Variants in USP43 observed in about 807,000 individuals in gnomAD.
USP43 encodes ubiquitin carboxyl-terminal hydrolase 43.
A neutral mutation model predicts 90.7 loss-of-function variants in USP43; 33 were observed. That is an observed-to-expected ratio of 0.36 (90% CI 0.28 to 0.49). USP43 has a LOEUF of 0.49. Ranked by LOEUF, USP43 falls within the 20% of genes least tolerant of loss-of-function variation. The pLI, the probability that USP43 is intolerant of heterozygous loss-of-function variation, is 0.98. For missense variants in USP43, 1,274 were observed against 1,476.4 expected (o/e 0.86, Z 2.25); for synonymous variants, 598 against 615.8 (o/e 0.97, Z 0.43).
At position 9,686,560 on chromosome 17, in the gene USP43, T is replaced by A. The variant is rs1914606385; in HGVS notation, c.1242-238T>A. Among the ~76,000 whole-genome samples, 1 of 152,202 alleles carries A rather than the reference T, an allele frequency of 6.6e-6. No individual in the cohort carries two copies. Among genetic ancestry groups the A allele is most frequent in the African/African-American group, 2.4e-5 (1 of 41,456 alleles). On this transcript the variant is annotated intron_variant, in intron 7 of 14. Transcript: ENST00000285199. This position sits in a 1 kb window ranked among gnomAD's most constrained non-coding sequence, Gnocchi z 5.5. Reference sequence around the variant, plus strand: ...CTTGCATTTCCCTGATAATTAGTGATGTTGGGCATTTTTTCATATGCCTGT... The same window carrying A: ...CTTGCATTTCCCTGATAATTAGTGAAGTTGGGCATTTTTTCATATGCCTGT...
At chr17:9,693,815 G>A (rs1915101394) in intron 9 of USP43, among the ~76,000 whole-genome samples, 2 of 152,158 alleles carry the variant, frequency 1.3e-5, no homozygotes, top group African/African-American at 4.8e-5. Context: ...TCTAGCCTGG[G>A]TGACAGAGCA....
chr17:9,708,602 G>A (rs540878715), intron 12 of USP43, among the ~76,000 whole-genome samples: 11 of 152,266 alleles, frequency 7.2e-5, no homozygotes, highest in African/African-American at 2.2e-4. Context: ...CCCACGGGCC[G>A]GATCCAATCT....
At chr17:9,693,696 G>T (rs1915093068) in intron 9 of USP43, among the ~76,000 whole-genome samples, 1 of 151,966 alleles carries the variant, frequency 6.6e-6, no homozygotes, top group Admixed American at 6.6e-5. Flanking sequence ...AAATTAGCCG[G>T]TCGTGGTAGC....
chr17:9,711,931 G>T (rs1916218750), intron 13 of USP43, 37 bp from the exon 14 acceptor site: 1 of 1,548,696 alleles, frequency 6.5e-7, no homozygotes, highest in Non-Finnish European at 8.7e-7. Context: ...AAGTGCTGGG[G>T]TTGGGCTCAG....
In USP43 at chr17:9,651,051, C is replaced by T. The variant is rs536605914; in HGVS notation, c.504+4915C>T. ...TGTGCCTTTGCATCCTAAGAAATAA[C>T]ATCATCTTCTAAACTTGCAAAAATA... On this transcript the variant is annotated intron_variant, in intron 1 of 14. Coordinates refer to ENST00000285199, the MANE Select transcript of USP43 (RefSeq NM_153210.5). 1.8e-4 allele frequency among the ~76,000 whole-genome samples: 27 copies of T among 152,252 alleles called. No homozygotes were observed. In the South Asian group the frequency reaches 2.5e-3, roughly 14 times the overall value.
chr17:9,661,232 G>A (rs1020497556), intron 2 of USP43, among the ~76,000 whole-genome samples: 7 of 152,142 alleles, frequency 4.6e-5, no homozygotes, highest in South Asian at 2.1e-4. Flanking sequence ...AGAAAATGCC[G>A]CTCTTGCAGA....
rs117406581 is a variant in USP43, at chr17:9,700,116, G to A, written c.1458-56G>A. 922 of 1,492,030 alleles carry A rather than the reference G, an allele frequency of 6.2e-4. 4 individuals carry two copies. The East Asian group carries it at 0.015, about 24-fold the overall frequency. 92.4% of individuals were successfully genotyped at this position (1,492,030 alleles called of 1,614,324 possible). ...GTGGGGGAGACTGCTGAGCCCTGAA[G>A]AGCTGTGGGAAGGAGGCCCCGTGTT... On this transcript the variant is annotated intron_variant, in intron 9 of 14. Coordinates refer to ENST00000285199, the MANE Select transcript of USP43 (RefSeq NM_153210.5).
At position 9,681,213 on chromosome 17, in the gene USP43, C is replaced by CATTATATATAATATATTATATAGTATAT. The variant is rs1567660853; in HGVS notation, c.1105+855_1105+856insTAATATATTATATAGTATATATTATATA. Among the ~76,000 whole-genome samples, 69 of 48,852 alleles carry CATTATATATAATATATTATATAGTATAT rather than the reference C, an allele frequency of 1.4e-3. 5 individuals are homozygous for CATTATATATAATATATTATATAGTATAT. Among genetic ancestry groups the CATTATATATAATATATTATATAGTATAT allele is most frequent in the African/African-American group, 3.7e-3 (23 of 6,160 alleles). The allele number at this position is 48,852 out of a possible 152,430, so 32.0% of individuals were successfully genotyped here. A position where few individuals can be genotyped will look rare whatever the true frequency, so the allele number is the denominator to read the frequency against. ...TATAATATATACTATATAATATATA[C>CATTATATATAATATATTATATAGTATAT]ATTATATAGAATATATTATATAATA... On this transcript the variant is annotated intron_variant, in intron 6 of 14. Coordinates refer to ENST00000285199, the MANE Select transcript of USP43 (RefSeq NM_153210.5).
chr17:9,715,995 C>CTG (rs548549738), intron 14 of USP43, among the ~76,000 whole-genome samples: 1 of 147,022 alleles, frequency 6.8e-6, no homozygotes, highest in Middle Eastern at 3.6e-3. Context: ...GTTTGTGTAT[C>CTG]TGTGTGTGTG....
intron 14 of USP43, among the ~76,000 whole-genome samples, chr17:9,726,745 G>A (rs1917293875): frequency 6.6e-6 from 1 of 152,142 alleles, no homozygotes; most frequent in Non-Finnish European, 1.5e-5. Context: ...CAAACACTAT[G>A]ATGAAGTGGC....
In USP43 at chr17:9,712,391, T is replaced by G. The variant is rs79505485; in HGVS notation, c.2335+259T>G. Reference sequence around the variant, plus strand: ...TCATAAGCAAGTAAACCTGGGAACATGGTACTTAAAGAAGGGAGAATGGCA... The same window carrying G: ...TCATAAGCAAGTAAACCTGGGAACAGGGTACTTAAAGAAGGGAGAATGGCA... On this transcript the variant is annotated intron_variant, in intron 14 of 14. Coordinates refer to ENST00000285199, the MANE Select transcript of USP43 (RefSeq NM_153210.5). Among the ~76,000 whole-genome samples the G allele has an allele frequency of 9.4e-3, 1,427 of 152,078 alleles. 31 individuals carry two copies. The highest frequency in any genetic ancestry group is 0.033 in the African/African-American group (1,367 of 41,460).
intron 3 of USP43, among the ~76,000 whole-genome samples, chr17:9,670,155 C>T (rs1470115549): frequency 2.6e-5 from 4 of 151,856 alleles, no homozygotes; most frequent in East Asian, 1.9e-4. Flanking sequence ...TCTCCTGCCT[C>T]GGCCTCCCAA....
chr17:9,727,526 A>G (rs1917336021), intron 14 of USP43, among the ~76,000 whole-genome samples: 1 of 151,460 alleles, frequency 6.6e-6, no homozygotes, highest in South Asian at 2.1e-4. Flanking sequence ...TTTTTAGCCC[A>G]GGGTAGGATA....
chr17:9,671,156 G>A (rs1028705466), intron 3 of USP43, among the ~76,000 whole-genome samples: 6 of 152,204 alleles, frequency 3.9e-5, no homozygotes, highest in Non-Finnish European at 7.3e-5. Context: ...CTAGAGTACC[G>A]AAGATCCTGG....
chr17:9,680,763 G>A (rs944789721), intron 6 of USP43, among the ~76,000 whole-genome samples: 33 of 151,986 alleles, frequency 2.2e-4, no homozygotes, highest in African/African-American at 8.0e-4. Context: ...AGTCATCTTT[G>A]CCGTCAGGAT....
intron 8 of USP43, among the ~76,000 whole-genome samples, chr17:9,689,849 G>A (rs989547700): frequency 1.3e-5 from 2 of 152,128 alleles, no homozygotes; most frequent in Admixed American, 1.3e-4. Context: ...AAACAACAAG[G>A]CTCCATTAGG....
chr17:9,701,656 C>A lies in USP43; in HGVS notation c.1967C>A (p.Ala656Asp). ...CTGGACTTCCTGTACGACCTGTATGCCGTCTGCAACCACCATGGCAACCTG... is the reference window on the plus strand; with the variant it reads ...CTGGACTTCCTGTACGACCTGTATGACGTCTGCAACCACCATGGCAACCTG... Reference protein sequence around the residue: ...YPLDFLYDLYAVCNHHGNLQG... With the variant: ...YPLDFLYDLYDVCNHHGNLQG... The change falls in exon 12 of 15, where the codon GCC (alanine) becomes GAC (aspartate). Residue 656 changes from alanine to aspartate, a missense_variant. Ala to Asp is a moderately radical substitution (Grantham distance 126). This residue lies in a region of USP43 where 285 missense variants were observed against 349.6 expected (regional missense o/e 0.82). Transcript: ENST00000285199. This position sits in a 1 kb window ranked among gnomAD's most constrained non-coding sequence, Gnocchi z 7.2. 1 of 1,584,800 alleles carries A rather than the reference C, an allele frequency of 6.3e-7. No homozygotes were observed.
chr17:9,647,342 C>G (rs1212278461), intron 1 of USP43, among the ~76,000 whole-genome samples: 1 of 152,138 alleles, frequency 6.6e-6, no homozygotes, highest in Non-Finnish European at 1.5e-5. Context: ...ATGGTTGTCA[C>G]TAAATGTCTC....
intron 13 of USP43, among the ~76,000 whole-genome samples, chr17:9,710,755 C>A (rs941078982): frequency 2.6e-5 from 4 of 152,038 alleles, no homozygotes; most frequent in Admixed American, 2.6e-4. Flanking sequence ...TTGATCCACC[C>A]ATCTCAGCCT....
Sources: gnomAD v4.1 joint callset for allele counts (sites outside exome capture counted in the v4.1 genomes callset) on GRCh38, gnomAD v4.1.1 for gene constraint, gnomAD v4.1.1 regional missense constraint, Gnocchi (gnomAD v3.1) non-coding constraint, MANE v1.5 for transcripts, NCBI Gene and HGNC (gene_info 2026-07-23, HGNC 2026-07-21) for gene names.